Variants in KRT74 observed in about 807,000 individuals in gnomAD.
KRT74 encodes keratin 74.
A neutral mutation model predicts 42.7 loss-of-function variants in KRT74; 43 were observed. The observed-to-expected ratio is 1.01, with a 90% CI of 0.79 to 1.30. The LOEUF (loss-of-function observed/expected upper bound fraction) is 1.30, where lower values mean the gene tolerates loss of function less well. KRT74 is among the 50% of genes most tolerant of loss of function. KRT74 has a pLI of 0.00. For missense variants in KRT74, 736 were observed against 689.1 expected, an observed-to-expected ratio of 1.07 and a Z score of -0.76; for synonymous variants, 302 against 279.0, an observed-to-expected ratio of 1.08 and a Z score of -0.82.
At chr12:52,571,897 G>T in intron 3 of KRT74, 47 bp downstream of exon 3, 1 of 1,260,066 alleles carries the variant, frequency 7.9e-7, no homozygotes, top group Non-Finnish European at 1.2e-6. Flanking sequence ...GAGTTGTTAA[G>T]ATGGGGGTGC....
Position 52,570,710 on chromosome 12 carries a change from G to A in KRT74, c.967C>T (p.Leu323=). 1 of 1,614,240 alleles carries A rather than the reference G, an allele frequency of 6.2e-7. No homozygotes were observed. Among genetic ancestry groups the A allele is most frequent in the Non-Finnish European group, 8.5e-7 (1 of 1,180,056 alleles). ...GCCTCGGCCTCGGCCTTGCTCTTCA[G>A]GGCGATCTCCTCATAATGCATGCGG... ...EVRMHYEEIA[L]KSKAEAEALY... is the part of the protein sequence containing the mutation. The change falls in exon 5 of 9, where the codon CTG becomes TTG. Residue 323 remains leucine, a synonymous_variant. Transcript: ENST00000305620.
At chr12:52,570,538 TC>T in intron 5 of KRT74, 130 bp downstream of exon 5, 1 of 966,648 alleles carries the variant, frequency 1.0e-6, no homozygotes, top group South Asian at 1.5e-5. Flanking sequence ...ATTCCTTTTT[TC>T]CTTGAAGCCT....
rs1565608784 is a variant in KRT74, at chr12:52,572,484, T to C, written c.655A>G (p.Met219Val). Residue 219 changes from methionine to valine, a missense_variant, in exon 2 of 9, where the codon ATG (methionine) becomes GTG (valine). Coordinates refer to ENST00000305620, the MANE Select transcript of KRT74 (RefSeq NM_175053.4). ...TTATAGTCCTCCACCAGATCCCTCA[T>C]GCTTCTCAGCTCCGAGTCCAGCCTC... ...RVRLDSELRS[M>V]RDLVEDYKKR... 1.9e-6 allele frequency: 3 copies of C among 1,614,150 alleles called. No homozygotes were observed. Among genetic ancestry groups the C allele is most frequent in the African/African-American group, 1.3e-5 (1 of 75,038 alleles).
rs670741 is a variant in KRT74, at chr12:52,571,389, T to A, written c.813A>T (p.Glu271Asp). ...CATACAGACACTTGAGGAACTTGAT[T>A]TCTTTGTCCAGTGAGTCCACTTTGG... ...LQAKVDSLDK[E>D]IKFLKCLYDA... Residue 271 changes from glutamate (E) to aspartate (D), a missense_variant, in exon 4 of 9, where the codon GAA becomes GAT. Transcript: ENST00000305620. 5.4e-5 allele frequency: 87 copies of A among 1,612,776 alleles called. No individual in the cohort carries two copies. The highest frequency in any genetic ancestry group is 7.2e-5 in the Non-Finnish European group (85 of 1,178,936).
chr12:52,570,523 T>C, intron 5 of KRT74, 146 bp downstream of exon 5: 1 of 826,614 alleles, frequency 1.2e-6, no homozygotes, highest in Non-Finnish European at 2.0e-6. Context: ...CAAGCTCTGC[T>C]AAGAATTCCT....
At chr12:52,568,871 G>A (rs1349398726) in intron 6 of KRT74, among the ~76,000 whole-genome samples, 1 of 152,236 alleles carries the variant, frequency 6.6e-6, no homozygotes, top group Admixed American at 6.5e-5. Flanking sequence ...GAGAGTCTGT[G>A]TGAAGGCTCC....
intron 2 of KRT74, 46 bp downstream of exon 2, chr12:52,572,407 A>C (rs762735723): frequency 1.3e-6 from 2 of 1,599,400 alleles, no homozygotes; most frequent in South Asian, 2.2e-5. Flanking sequence ...GTGAGCCCAG[A>C]GGCACGGGAA....
chr12:52,569,448 A>G, intron 6 of KRT74: 1 of 612,432 alleles, frequency 1.6e-6, no homozygotes, highest in East Asian at 2.8e-5. Flanking sequence ...TTCCATGTCC[A>G]GTGGGAGGAG....
chr12:52,573,491 C>T lies in KRT74; in HGVS notation c.287G>A (p.Ser96Asn), dbSNP rs1226726049. Residue 96 changes from serine (S) to asparagine (N), a missense_variant, in exon 1 of 9, where the codon AGT (serine) becomes AAT (asparagine). Ser to Asn is a conservative substitution (Grantham distance 46). Coordinates refer to ENST00000305620, the MANE Select transcript of KRT74 (RefSeq NM_175053.4). ...CAAACATGCAGGCCCCAGGGCCACA[C>T]TGCCAAACATACTGCCAGCAAAGCC... ...ASGFAGSMFGSVALGPACLSV... is the reference protein window; with the variant it reads ...ASGFAGSMFGNVALGPACLSV... 7.4e-6 allele frequency: 12 copies of T among 1,614,214 alleles called. No homozygotes were observed. Among genetic ancestry groups the T allele is most frequent in the Non-Finnish European group, 9.3e-6 (11 of 1,180,044 alleles).
chr12:52,573,366 C>T lies in KRT74; in HGVS notation c.412G>A (p.Ala138Thr), dbSNP rs768442951. 5.6e-6 allele frequency: 9 copies of T among 1,614,098 alleles called. No individual in the cohort carries two copies. Among genetic ancestry groups the T allele is most frequent in the Middle Eastern group, 1.6e-4 (1 of 6,084 alleles). ...ELDPEIQKVR[A>T]QEREQIKVLN... The stretch of plus-strand genomic sequence containing the variant: ...ACCTTGATCTGTTCCCGCTCCTGGG[C>T]GCGCACCTTCTGGATCTCAGGGTCC... Residue 138 changes from alanine to threonine, a missense_variant, in exon 1 of 9, where the codon GCC becomes ACC. By Grantham distance (58) the Ala-to-Thr change is moderately conservative. Coordinates refer to ENST00000305620, the MANE Select transcript of KRT74 (RefSeq NM_175053.4).
intron 6 of KRT74, chr12:52,568,643 A>G: frequency 3.5e-6 from 2 of 564,054 alleles, no homozygotes; most frequent in Non-Finnish European, 6.3e-6. Flanking sequence ...GCAAAGTTAG[A>G]TAGTGCCTGA....
intron 4 of KRT74, 66 bp from the exon 5 acceptor site, chr12:52,570,899 C>A: frequency 1.9e-6 from 3 of 1,588,356 alleles, no homozygotes; most frequent in Non-Finnish European, 2.6e-6. Context: ...CATCAGTCTT[C>A]TGGGCCCATG....
chr12:52,571,290 CT>C, intron 4 of KRT74, 68 bp downstream of exon 4: 1 of 982,568 alleles, frequency 1.0e-6, no homozygotes. Flanking sequence ...TAAATCTCTC[CT>C]TTTGGTATCT....
chr12:52,568,470 T>C, intron 6 of KRT74, 81 bp from the exon 7 acceptor site: 1 of 1,453,606 alleles, frequency 6.9e-7, no homozygotes, highest in Non-Finnish European at 9.4e-7. Flanking sequence ...AATGCCCTCA[T>C]TTTGCAGATG....
Position 52,567,138 on chromosome 12 carries a change from T to C in KRT74, c.1421A>G (p.His474Arg), listed in dbSNP as rs1448560531. The C allele has an allele frequency of 2.5e-6, 4 of 1,603,980 alleles. No homozygotes were observed. The highest frequency in any genetic ancestry group is 1.1e-5 in the South Asian group (1 of 90,418). Residue 474 changes from histidine (H) to arginine (R), a missense_variant, in exon 9 of 9, where the codon CAC becomes CGC. His to Arg is a conservative substitution (Grantham distance 29, BLOSUM62 0). Transcript: ENST00000305620. ...GTCAACACCCGCAGAGCTGGGGTGG[T>C]GGTAGCTGTAGCTGCTACTGCTGAT... is the stretch of plus-strand genomic sequence containing the variant. ...SVISSSSYSY[H>R]HPSSAGVDLG...
At chr12:52,572,326 G>T in intron 2 of KRT74, 127 bp downstream of exon 2, 1 of 996,422 alleles carries the variant, frequency 1.0e-6, no homozygotes, top group Non-Finnish European at 1.6e-6. Flanking sequence ...CCTAGCCAGA[G>T]AAAGGGATGT....
intron 6 of KRT74, 185 bp from the exon 7 acceptor site, chr12:52,568,574 T>C (rs1490194552): frequency 2.5e-5 from 17 of 668,164 alleles, no homozygotes; most frequent in Non-Finnish European, 4.1e-5. Flanking sequence ...AAAGCTGTTA[T>C]CACATGAAGC....
chr12:52,570,926 G>C (rs1333993810), intron 4 of KRT74, 93 bp from the exon 5 acceptor site: 1 of 1,442,182 alleles, frequency 6.9e-7, no homozygotes, highest in African/African-American at 1.4e-5. Context: ...GGCCCAATAG[G>C]CTGCTAGGAT....
At position 52,572,498 on chromosome 12, in the gene KRT74, G is replaced by A. The variant is rs766296392; in HGVS notation, c.641C>T (p.Ser214Leu). The A allele has an allele frequency of 6.3e-5, 102 of 1,614,098 alleles. No homozygotes were observed. Among genetic ancestry groups the A allele is most frequent in the Admixed American group, 8.3e-5 (5 of 60,008 alleles). The change falls in exon 2 of 9, where the codon TCG (serine) becomes TTG (leucine). Residue 214 changes from serine (S) to leucine (L), a missense_variant. Transcript: ENST00000305620. Reference protein sequence around the residue: ...TLSGDRVRLDSELRSMRDLVE... With the variant: ...TLSGDRVRLDLELRSMRDLVE... ...CAGATCCCTCATGCTTCTCAGCTCCGAGTCCAGCCTCACCCTGTCCCCAGA... is the reference window on the plus strand; with the variant it reads ...CAGATCCCTCATGCTTCTCAGCTCCAAGTCCAGCCTCACCCTGTCCCCAGA...
Sources: allele counts gnomAD v4.1 joint callset (sites outside exome capture counted in the v4.1 genomes callset), GRCh38; gene constraint gnomAD v4.1.1; transcripts MANE v1.5; gene names NCBI Gene and HGNC (gene_info 2026-07-23, HGNC 2026-07-21).